LIG3: variants seen among roughly 807,000 people sequenced by gnomAD.
The protein encoded by LIG3 is ligase II, DNA, ATP-dependent.
In LIG3, 58 loss-of-function variants were observed where a neutral mutation model predicts 110.9. That is an observed-to-expected ratio of 0.52 (90% CI 0.42 to 0.65). The LOEUF (loss-of-function observed/expected upper bound fraction) is 0.65, where lower values mean the gene tolerates loss of function less well. LIG3 is among the 30% of genes least tolerant of loss of function. The pLI is 0.00. For missense variants in LIG3, 1,094 were observed against 1,273.8 expected, an observed-to-expected ratio of 0.86 and a Z score of 2.15; for synonymous variants, 422 against 472.8, an observed-to-expected ratio of 0.89 and a Z score of 1.39.
At chr17:34,983,923 A>G (rs2090630507) in intron 2 of LIG3, among the ~76,000 whole-genome samples, 1 of 152,240 alleles carries the variant, frequency 6.6e-6, no homozygotes, top group Non-Finnish European at 1.5e-5. Flanking sequence ...TATTTGCTTT[A>G]TCATATTTGT....
chr17:35,001,360 A>T lies in LIG3; in HGVS notation c.2435A>T (p.Asp812Val), dbSNP rs2090840032. ...IRFPRCTRIR[D>V]DKDWKSATNL... Reference sequence around the variant, plus strand: ...TTCCCTCGCTGCACCCGAATCCGAGATGATAAGGACTGGAAATCTGCCACT... The same window carrying T: ...TTCCCTCGCTGCACCCGAATCCGAGTTGATAAGGACTGGAAATCTGCCACT... The change falls in exon 17 of 20, where the codon GAT becomes GTT. Residue 812 changes from aspartate (D) to valine (V), a missense_variant. Coordinates refer to ENST00000378526, the MANE Select transcript of LIG3 (RefSeq NM_013975.4). The T allele has an allele frequency of 6.2e-7, 1 of 1,614,162 alleles. No homozygotes were observed. The highest frequency in any genetic ancestry group is 8.5e-7 in the Non-Finnish European group (1 of 1,180,014).
At chr17:34,990,030 A>T in intron 4 of LIG3, 1 of 201,562 alleles carries the variant, frequency 5.0e-6, no homozygotes, top group Non-Finnish European at 1.0e-5. Flanking sequence ...GAATCTTCCA[A>T]CTCTGTTTCT....
intron 19 of LIG3, chr17:35,003,732 C>T (rs1000904121): frequency 5.1e-5 from 8 of 157,278 alleles, no homozygotes; most frequent in Admixed American, 1.2e-4. Context: ...CATGTCATTG[C>T]GCCCCCACGC....
chr17:35,004,089 G>A (rs1369702285), intron 19 of LIG3, 184 bp from the exon 20 acceptor site: 5 of 588,102 alleles, frequency 8.5e-6, no homozygotes, highest in Non-Finnish European at 1.5e-5. Context: ...ATGGAGGGGC[G>A]TGTCAGTCCT....
chr17:35,004,558 G>A lies in LIG3; in HGVS notation c.*52G>A. 6.9e-7 allele frequency: 1 copy of A among 1,458,236 alleles called. No individual in the cohort carries two copies. Among genetic ancestry groups the A allele is most frequent in the Non-Finnish European group, 9.6e-7 (1 of 1,042,574 alleles). 90.3% of individuals were successfully genotyped at this position (1,458,236 alleles called of 1,614,324 possible). A position where few individuals can be genotyped will look rare whatever the true frequency, so the allele number is the denominator to read the frequency against. On this transcript the variant is annotated 3_prime_UTR_variant, in exon 20 of 20. Coordinates refer to ENST00000378526, the MANE Select transcript of LIG3 (RefSeq NM_013975.4). ...CCATACTCTCCTTTACCATACTACT[G>A]GACTGGACTCAGGCTGGAGGCAGAT...
At chr17:34,986,923 A>C (rs773486238) in intron 3 of LIG3, among the ~76,000 whole-genome samples, 1 of 152,192 alleles carries the variant, frequency 6.6e-6, no homozygotes, top group Non-Finnish European at 1.5e-5. Context: ...AAGGAAAAAA[A>C]GATCTGAAGG....
At chr17:34,992,308 C>A (rs1741535608) in intron 7 of LIG3, among the ~76,000 whole-genome samples, 1 of 152,230 alleles carries the variant, frequency 6.6e-6, no homozygotes, top group African/African-American at 2.4e-5. Context: ...TACTCCAGCC[C>A]CCTCCTCGCT....
At chr17:34,990,624 T>C (rs2090709086) in intron 4 of LIG3, among the ~76,000 whole-genome samples, 2 of 150,562 alleles carry the variant, frequency 1.3e-5, no homozygotes, top group South Asian at 2.1e-4. Flanking sequence ...TGTGAGACAG[T>C]GTCTTGCTCT....
At position 35,004,485 on chromosome 17, in the gene LIG3, G is replaced by A. The variant is rs747698159; in HGVS notation, c.3009G>A (p.Arg1003=). 1.9e-6 allele frequency: 3 copies of A among 1,613,872 alleles called. No individual in the cohort carries two copies. The highest frequency in any genetic ancestry group is 1.3e-5 in the African/African-American group (1 of 74,918). ...GGATTTGGGCATGTATCCGGAAACG[G>A]AGACTGGTAGCTCCCTGCTAGGTTT... The part of the protein sequence containing the change: ...PEWIWACIRK[R]RLVAPC The change falls in exon 20 of 20, where the codon CGG becomes CGA. Residue 1003 remains arginine (R), a synonymous_variant. Transcript: ENST00000378526.
At chr17:34,989,197 A>T (rs983460165) in intron 3 of LIG3, among the ~76,000 whole-genome samples, 1 of 152,104 alleles carries the variant, frequency 6.6e-6, no homozygotes, top group Non-Finnish European at 1.5e-5. Flanking sequence ...AAGTGCTCAC[A>T]TAAAGAGATG....
chr17:35,004,096 T>C (rs373781811), intron 19 of LIG3, 177 bp from the exon 20 acceptor site: 1 of 603,058 alleles, frequency 1.7e-6, no homozygotes. Context: ...GGCGTGTCAG[T>C]CCTGTATAAT....
intron 11 of LIG3, chr17:34,997,379 G>T: frequency 5.1e-6 from 1 of 197,652 alleles, no homozygotes; most frequent in South Asian, 9.7e-5. Flanking sequence ...GGTTGGCCTT[G>T]GGATCGGGGC....
Position 35,008,318 on chromosome 17 carries a change from GCAAGTTAGTTAGTTACAA to G in LIG3, c.*3816_*3833del, listed in dbSNP as rs2090910061. The G allele has an allele frequency of 6.6e-6, 1 of 152,216 alleles. No homozygotes were observed. The highest frequency in any genetic ancestry group is 6.5e-5 in the Admixed American group (1 of 15,288). The allele number at this position is 152,216 out of a possible 1,614,324, so 9.4% of individuals were successfully genotyped here. On this transcript the variant is annotated 3_prime_UTR_variant, in exon 20 of 20. Transcript: ENST00000378526. Reference sequence around the variant, plus strand: ...CCATATATTACATTTGTGGTCTTGAGCAAGTTAGTTAGTTACAACAACACTGAGCATCTTGACCAAGGT... The same window carrying G: ...CCATATATTACATTTGTGGTCTTGAGCAACACTGAGCATCTTGACCAAGGT...
intron 14 of LIG3, 185 bp downstream of exon 14, chr17:34,998,912 G>A: frequency 3.1e-6 from 2 of 638,980 alleles, no homozygotes; most frequent in Non-Finnish European, 5.2e-6. Context: ...TTAGGGAGAA[G>A]TCAGAATAGA....
At chr17:34,998,400 T>G in intron 13 of LIG3, 104 bp downstream of exon 13, 1 of 1,164,866 alleles carries the variant, frequency 8.6e-7, no homozygotes, top group Non-Finnish European at 1.2e-6. Context: ...CTGCAGTGGT[T>G]GGGGTGGCTG....
chr17:34,986,384 C>T (rs2090655472), intron 3 of LIG3, among the ~76,000 whole-genome samples: 1 of 152,088 alleles, frequency 6.6e-6, no homozygotes, highest in South Asian at 2.1e-4. Flanking sequence ...TGCAGTGGTG[C>T]ATTCTCAGCT....
Position 35,007,090 on chromosome 17 carries a change from A to C in LIG3, c.*2584A>C, listed in dbSNP as rs957148142. On this transcript the variant is annotated 3_prime_UTR_variant, in exon 20 of 20. Coordinates refer to ENST00000378526, the MANE Select transcript of LIG3 (RefSeq NM_013975.4). ...CTCTTCAGCCTCAGGCCAAACAAAC[A>C]ACCGGACAGGGCAGCAGAACAAGGC... 2.6e-5 allele frequency: 4 copies of C among 152,236 alleles called. No individual in the cohort carries two copies. The highest frequency in any genetic ancestry group is 5.9e-5 in the Non-Finnish European group (4 of 68,108). 9.4% of individuals were successfully genotyped at this position (152,236 alleles called of 1,614,324 possible). A position where few individuals can be genotyped will look rare whatever the true frequency, so the allele number is the denominator to read the frequency against.
chr17:35,002,694 G>C lies in LIG3; in HGVS notation c.2701G>C (p.Ala901Pro), dbSNP rs139474938. The C allele has an allele frequency of 6.2e-7, 1 of 1,613,638 alleles. No individual in the cohort carries two copies. Among genetic ancestry groups the C allele is most frequent in the Non-Finnish European group, 8.5e-7 (1 of 1,179,862 alleles). Residue 901 changes from alanine to proline, a missense_variant, in exon 19 of 20, where the codon GCT becomes CCT. Transcript: ENST00000378526. ...CAACATGCAGACTGCAAAGCCTTCC[G>C]CTATGAAGGTGGGGGAGAAGCTGGC... ...DGNMQTAKPS[A>P]MKVGEKLATK...
intron 1 of LIG3, 167 bp downstream of exon 1, chr17:34,980,789 G>T (rs1302625094): frequency 4.5e-6 from 1 of 221,106 alleles, no homozygotes; most frequent in Non-Finnish European, 7.6e-6. Context: ...GCCCTCCCGG[G>T]AGCCCAGGGG....
Sources: allele counts gnomAD v4.1 joint callset (sites outside exome capture counted in the v4.1 genomes callset), GRCh38; gene constraint gnomAD v4.1.1; transcripts MANE v1.5; gene names NCBI Gene and HGNC (gene_info 2026-07-23, HGNC 2026-07-21).